Variants in SLC16A7 observed in about 807,000 individuals in gnomAD.
SLC16A7 encodes solute carrier family 16 member 7.
A neutral mutation model predicts 34.9 loss-of-function variants in SLC16A7; 33 were observed. That is an observed-to-expected ratio of 0.94 (90% CI 0.72 to 1.26). The LOEUF (loss-of-function observed/expected upper bound fraction) is 1.26. Ranked by LOEUF, SLC16A7 falls within the 50% of genes most tolerant of loss-of-function variation. The probability of loss-of-function intolerance (pLI) is 0.00; values close to 1 mark genes in which losing one functional copy is unlikely to be tolerated. For synonymous variants in SLC16A7, 201 were observed against 206.6 expected (o/e 0.97, Z 0.23); for missense variants, 573 against 578.1 (o/e 0.99, Z 0.09).
chr12:59,651,634 GGT>G (rs2137018862), intron 1 of SLC16A7, among the ~76,000 whole-genome samples: 1 of 152,186 alleles, frequency 6.6e-6, no homozygotes, highest in African/African-American at 2.4e-5. Flanking sequence ...AGTATGATGT[GGT>G]GTCTCATGCC....
chr12:59,739,924 A>G (rs1878099307), intron 3 of SLC16A7, among the ~76,000 whole-genome samples: 1 of 151,994 alleles, frequency 6.6e-6, no homozygotes. Context: ...GTTTGAGTTC[A>G]TTGTAGATTC....
intron 3 of SLC16A7, chr12:59,735,983 C>T (rs1222415791): frequency 2.0e-6 from 2 of 1,012,874 alleles, no homozygotes; most frequent in East Asian, 1.3e-4. Flanking sequence ...TCACCATCTA[C>T]TTGAGGTAAC....
chr12:59,746,942 C>T (rs972107533), intron 3 of SLC16A7, among the ~76,000 whole-genome samples: 2 of 152,192 alleles, frequency 1.3e-5, no homozygotes, highest in African/African-American at 2.4e-5. Flanking sequence ...AGGCAATCCT[C>T]CTGCCTCAGC....
intron 2 of SLC16A7, among the ~76,000 whole-genome samples, chr12:59,702,109 G>C (rs540701116): frequency 4.0e-5 from 6 of 151,704 alleles, no homozygotes; most frequent in African/African-American, 1.4e-4. Context: ...CAATAAAATA[G>C]GTACTTTAAA....
rs142991250 is a variant in SLC16A7, at chr12:59,690,537, A to G, written c.-30-14235A>G. ...CACTGATAAAAAGAAAGAAGAGTGTAGGAAGGGCCAGTTATGTGGAGATGC... is the reference window on the plus strand; with the variant it reads ...CACTGATAAAAAGAAAGAAGAGTGTGGGAAGGGCCAGTTATGTGGAGATGC... On this transcript the variant is annotated intron_variant, in intron 2 of 5. Coordinates refer to ENST00000547379, the MANE Select transcript of SLC16A7 (RefSeq NM_001270623.2). Among the ~76,000 whole-genome samples, 211 of 152,138 alleles carry G rather than the reference A, an allele frequency of 1.4e-3. 1 individual carries two copies. Among genetic ancestry groups the G allele is most frequent in the Middle Eastern group, 6.8e-3 (2 of 294 alleles).
At chr12:59,776,262 A>AT (rs1882749000) in intron 5 of SLC16A7, among the ~76,000 whole-genome samples, 1 of 152,284 alleles carries the variant, frequency 6.6e-6, no homozygotes, top group Non-Finnish European at 1.5e-5. Flanking sequence ...GAAGCATTAG[A>AT]TTTTTGTTGG....
chr12:59,754,710 G>C (rs1304130235), intron 3 of SLC16A7, among the ~76,000 whole-genome samples: 1 of 151,886 alleles, frequency 6.6e-6, no homozygotes, highest in Non-Finnish European at 1.5e-5. Flanking sequence ...CCTTCTGAAA[G>C]TATTCCAATC....
rs190902904 is a variant in SLC16A7, at chr12:59,777,700, T to A, written c.1181-1723T>A. Among the ~76,000 whole-genome samples, 211 of 152,074 alleles carry A rather than the reference T, an allele frequency of 1.4e-3. 1 individual carries two copies. Among genetic ancestry groups the A allele is most frequent in the Middle Eastern group, 6.8e-3 (2 of 294 alleles). The stretch of plus-strand genomic sequence containing the variant: ...TAAGTTTTAGGGTATATGTGCACAA[T>A]GTGCAGGTTAGTTACATATGTATGC... On this transcript the variant is annotated intron_variant, in intron 5 of 5. Transcript: ENST00000547379.
intron 3 of SLC16A7, among the ~76,000 whole-genome samples, chr12:59,724,962 G>A (rs1312991260): frequency 6.9e-6 from 1 of 144,258 alleles, no homozygotes; most frequent in Non-Finnish European, 1.5e-5. Flanking sequence ...AAAGTGTAGT[G>A]TATTTCCTGC....
chr12:59,640,056 CA>C (rs1880609149), intron 1 of SLC16A7, among the ~76,000 whole-genome samples: 1 of 152,104 alleles, frequency 6.6e-6, no homozygotes, highest in Admixed American at 6.6e-5. Context: ...GGATATAACT[CA>C]GAAATAGTCA....
intron 3 of SLC16A7, chr12:59,761,152 T>C: frequency 3.1e-6 from 4 of 1,286,526 alleles, no homozygotes; most frequent in Non-Finnish European, 4.1e-6. Context: ...TTTTTGATCT[T>C]CACATCCTTG....
intron 1 of SLC16A7, among the ~76,000 whole-genome samples, chr12:59,611,123 C>A (rs940957910): frequency 6.6e-6 from 1 of 152,176 alleles, no homozygotes; most frequent in Non-Finnish European, 1.5e-5. Flanking sequence ...ACCATTAGGA[C>A]TCAATCATCT....
At chr12:59,635,297 G>A (rs905603758) in intron 1 of SLC16A7, among the ~76,000 whole-genome samples, 48 of 152,014 alleles carry the variant, frequency 3.2e-4, no homozygotes, top group African/African-American at 9.9e-4. Context: ...TACTATTGGA[G>A]CTTGAATTTC....
At chr12:59,702,374 A>G (rs1242611754) in intron 2 of SLC16A7, among the ~76,000 whole-genome samples, 1 of 152,056 alleles carries the variant, frequency 6.6e-6, no homozygotes, top group Non-Finnish European at 1.5e-5. Flanking sequence ...GATAGAAGAC[A>G]GAAAACGTTT....
chr12:59,602,296 T>C (rs902595389), intron 1 of SLC16A7, among the ~76,000 whole-genome samples: 2 of 152,156 alleles, frequency 1.3e-5, no homozygotes, highest in Non-Finnish European at 2.9e-5. Context: ...CTCCAAATTA[T>C]TTGCTTTGGA....
chr12:59,653,799 C>T (rs767029985), intron 1 of SLC16A7, among the ~76,000 whole-genome samples: 15 of 151,558 alleles, frequency 9.9e-5, no homozygotes, highest in South Asian at 2.1e-4. Flanking sequence ...GGTTAAATCG[C>T]GTAACATTAC....
At chr12:59,772,289 A>G (rs1447678426) in intron 4 of SLC16A7, among the ~76,000 whole-genome samples, 1 of 152,176 alleles carries the variant, frequency 6.6e-6, no homozygotes, top group Admixed American at 6.5e-5. Flanking sequence ...CTTTTTTGAT[A>G]TAACAAAATG....
At position 59,671,845 on chromosome 12, in the gene SLC16A7, GTA is replaced by G. The variant is rs746613192; in HGVS notation, c.-31+16603_-31+16604del. ...TGTATATGTATATATGTATATATGTGTATATATATGTGTATATGTATATATGT... is the reference window on the plus strand; with the variant it reads ...TGTATATGTATATATGTATATATGTGTATATATGTGTATATGTATATATGT... On this transcript the variant is annotated intron_variant, in intron 2 of 5. Transcript: ENST00000547379. 8.1e-4 allele frequency among the ~76,000 whole-genome samples: 87 copies of G among 107,258 alleles called. 1 individual carries two copies. The highest frequency in any genetic ancestry group is 9.7e-4 in the Admixed American group (10 of 10,264). 70.4% of individuals were successfully genotyped at this position (107,258 alleles called of 152,430 possible).
intron 2 of SLC16A7, among the ~76,000 whole-genome samples, chr12:59,655,509 C>T (rs1368911686): frequency 2.0e-5 from 3 of 151,670 alleles, no homozygotes; most frequent in Non-Finnish European, 4.4e-5. Flanking sequence ...TATAAACTTC[C>T]TTCATTTAAA....
Sources: gnomAD v4.1 joint callset for allele counts (sites outside exome capture counted in the v4.1 genomes callset) on GRCh38, gnomAD v4.1.1 for gene constraint, MANE v1.5 for transcripts, NCBI Gene and HGNC (gene_info 2026-07-23, HGNC 2026-07-21) for gene names.